The following CSMD1 variants were observed in gnomAD, a reference collection of about 807,000 sequenced individuals.
CSMD1 encodes CUB and Sushi multiple domains 1, also known as CUB and sushi domain-containing protein 1.
A neutral mutation model predicts 417.5 loss-of-function variants in CSMD1; 213 were observed. That is an observed-to-expected ratio of 0.51 (90% CI 0.46 to 0.57). CSMD1 has a LOEUF of 0.57. CSMD1 is among the 20% of genes least tolerant of loss of function. CSMD1 has a pLI of 0.00. For missense variants in CSMD1, 6,923 were observed against 4,529.7 expected (o/e 1.53, Z -15.17); for synonymous variants, 2,862 against 1,736.8 (o/e 1.65, Z -16.11).
At chr8:4,585,868 G>T (rs1236917992) in intron 2 of CSMD1, among the ~76,000 whole-genome samples, 1 of 152,104 alleles carries the variant, frequency 6.6e-6, no homozygotes, top group East Asian at 1.9e-4. Flanking sequence ...AAAGCATGCA[G>T]GTAAAGATGG....
intron 10 of CSMD1, among the ~76,000 whole-genome samples, chr8:3,521,973 C>A (rs1305991770): frequency 6.6e-6 from 1 of 152,206 alleles, no homozygotes; most frequent in Non-Finnish European, 1.5e-5. Flanking sequence ...ATTAACAAAA[C>A]TTTCATTTCC....
At chr8:4,048,894 A>C (rs569762761) in intron 3 of CSMD1, among the ~76,000 whole-genome samples, 1 of 152,326 alleles carries the variant, frequency 6.6e-6, no homozygotes, top group East Asian at 1.9e-4. Flanking sequence ...GCTACATACA[A>C]AAATAGTCTA....
intron 1 of CSMD1, among the ~76,000 whole-genome samples, chr8:4,858,276 A>G (rs868815184): frequency 1.6e-4 from 24 of 151,432 alleles, no homozygotes; most frequent in Non-Finnish European, 2.7e-4. Context: ...AAAATAATAA[A>G]AGCTATCTAT....
chr8:3,720,864 T>C (rs561541836), intron 6 of CSMD1, among the ~76,000 whole-genome samples: 1 of 151,558 alleles, frequency 6.6e-6, no homozygotes, highest in Non-Finnish European at 1.5e-5. Flanking sequence ...CAGGTTGAAG[T>C]GCAATGGCGT....
intron 5 of CSMD1, among the ~76,000 whole-genome samples, chr8:3,789,016 A>T (rs1480251974): frequency 1.3e-5 from 2 of 152,188 alleles, no homozygotes; most frequent in African/African-American, 4.8e-5. Context: ...ACTCTTCCCA[A>T]ATTAGGAGGA....
intron 2 of CSMD1, among the ~76,000 whole-genome samples, chr8:4,634,030 T>A (rs1407667416): frequency 6.6e-6 from 1 of 151,644 alleles, no homozygotes; most frequent in Non-Finnish European, 1.5e-5. Flanking sequence ...GATGCTTTAA[T>A]TCTAAATAAC....
chr8:4,012,115 G>C (rs895476204), intron 4 of CSMD1, among the ~76,000 whole-genome samples: 5 of 151,994 alleles, frequency 3.3e-5, no homozygotes, highest in Non-Finnish European at 7.4e-5. Context: ...ACATTTTCTA[G>C]ATTTAAAATA....
intron 25 of CSMD1, among the ~76,000 whole-genome samples, chr8:3,294,085 G>C (rs531590874): frequency 6.6e-6 from 1 of 152,302 alleles, no homozygotes; most frequent in East Asian, 1.9e-4. Context: ...GTTTGCTGGA[G>C]GTGCACTCCG....
At chr8:3,191,907 A>C (rs1247905351) in intron 33 of CSMD1, among the ~76,000 whole-genome samples, 1 of 152,202 alleles carries the variant, frequency 6.6e-6, no homozygotes, top group East Asian at 1.9e-4. Flanking sequence ...CTAAATGCAC[A>C]GTCCTTTAGC....
intron 4 of CSMD1, among the ~76,000 whole-genome samples, chr8:4,013,442 C>G (rs1269985293): frequency 6.6e-6 from 1 of 152,144 alleles, no homozygotes; most frequent in Non-Finnish European, 1.5e-5. Flanking sequence ...CGGTTTTCTA[C>G]TATCAGGGGG....
chr8:4,519,694 G>A (rs1482675610), intron 2 of CSMD1, among the ~76,000 whole-genome samples: 1 of 126,798 alleles, frequency 7.9e-6, no homozygotes. Context: ...AGTGAGCTGC[G>A]ATTGTACTAC....
intron 37 of CSMD1, among the ~76,000 whole-genome samples, chr8:3,170,230 C>T (rs989433808): frequency 5.9e-5 from 9 of 151,972 alleles, no homozygotes; most frequent in East Asian, 5.8e-4. Flanking sequence ...TTTTTTGAGA[C>T]GGAGTCTCGC....
chr8:4,632,465 T>C (rs1241476258), intron 2 of CSMD1, among the ~76,000 whole-genome samples: 4 of 152,084 alleles, frequency 2.6e-5, no homozygotes, highest in Non-Finnish European at 4.4e-5. Flanking sequence ...TGAGCCAATA[T>C]AGTACCATTG....
At chr8:3,778,159 G>A (rs1798993910) in intron 5 of CSMD1, among the ~76,000 whole-genome samples, 1 of 152,240 alleles carries the variant, frequency 6.6e-6, no homozygotes, top group Admixed American at 6.5e-5. Context: ...AATGTGTCAG[G>A]ATAGATTAGA....
chr8:2,987,757 G>A (rs895990749), intron 54 of CSMD1, among the ~76,000 whole-genome samples: 49 of 152,198 alleles, frequency 3.2e-4, no homozygotes, highest in African/African-American at 9.7e-4. Flanking sequence ...TGCCAGCGGC[G>A]CGCATAAGGG....
chr8:4,731,761 A>G (rs1809887031), intron 1 of CSMD1, among the ~76,000 whole-genome samples: 2 of 152,146 alleles, frequency 1.3e-5, no homozygotes, highest in African/African-American at 4.8e-5. Context: ...TAGTTTGGGA[A>G]GTGATGCTGG....
intron 1 of CSMD1, among the ~76,000 whole-genome samples, chr8:4,756,378 G>C (rs1035226972): frequency 2.6e-5 from 4 of 152,066 alleles, no homozygotes; most frequent in Admixed American, 6.5e-5. Context: ...AGTAACACTT[G>C]GTTTTTTTCT....
intron 8 of CSMD1, among the ~76,000 whole-genome samples, chr8:3,614,390 C>T (rs888299399): frequency 4.6e-5 from 7 of 152,068 alleles, no homozygotes; most frequent in Non-Finnish European, 7.4e-5. Flanking sequence ...ACTTAATGTT[C>T]ATCCTGAATT....
chr8:4,173,399 G>A (rs1348372361), intron 3 of CSMD1, among the ~76,000 whole-genome samples: 1 of 152,110 alleles, frequency 6.6e-6, no homozygotes. Flanking sequence ...AGAGAAGTTT[G>A]CATTTAACGT....
Sources: allele counts gnomAD v4.1 joint callset (sites outside exome capture counted in the v4.1 genomes callset), GRCh38; gene constraint gnomAD v4.1.1; transcripts MANE v1.5; gene names NCBI Gene and HGNC (gene_info 2026-07-23, HGNC 2026-07-21).